Variants in CLYBL observed in about 807,000 individuals in gnomAD.
CLYBL encodes citramalyl-CoA lyase, mitochondrial.
Under a neutral mutation model 38.9 loss-of-function variants are expected in CLYBL, and 31 were observed. That is an observed-to-expected ratio of 0.80 (90% CI 0.60 to 1.08). The LOEUF is 1.08. CLYBL is among the 50% of genes least tolerant of loss of function. The probability of loss-of-function intolerance (pLI) is 0.00; values close to 1 mark genes in which losing one functional copy is unlikely to be tolerated. For synonymous variants in CLYBL, 171 were observed against 158.6 expected (o/e 1.08, Z -0.59); for missense variants, 434 against 411.6 (o/e 1.05, Z -0.47).
intron 1 of CLYBL, among the ~76,000 whole-genome samples, chr13:99,723,250 T>C (rs2048420456): frequency 6.6e-6 from 1 of 152,190 alleles, no homozygotes; most frequent in African/African-American, 2.4e-5. Flanking sequence ...TTCATATATT[T>C]GGTAGATGGG....
chr13:99,693,388 G>C (rs893424810), intron 1 of CLYBL, among the ~76,000 whole-genome samples: 2 of 152,066 alleles, frequency 1.3e-5, no homozygotes, highest in African/African-American at 2.4e-5. Flanking sequence ...TGGGAACACA[G>C]GCTTTCTCTT....
intron 1 of CLYBL, among the ~76,000 whole-genome samples, chr13:99,665,718 C>T (rs576520435): frequency 1.3e-5 from 2 of 152,122 alleles, no homozygotes; most frequent in Non-Finnish European, 2.9e-5. Flanking sequence ...ATCAAATATA[C>T]ATTTTGCATT....
intron 1 of CLYBL, among the ~76,000 whole-genome samples, chr13:99,763,666 T>C (rs941037363): frequency 1.3e-5 from 2 of 151,590 alleles, no homozygotes; most frequent in African/African-American, 4.8e-5. Context: ...GCGATTCTCC[T>C]GCCTAAGCCT....
chr13:99,699,310 G>A (rs1004907329), intron 1 of CLYBL, among the ~76,000 whole-genome samples: 23 of 152,104 alleles, frequency 1.5e-4, no homozygotes, highest in Non-Finnish European at 2.2e-4. Flanking sequence ...CCTCGAACCC[G>A]GGAGGTGGAG....
intron 2 of CLYBL, among the ~76,000 whole-genome samples, chr13:99,838,779 G>T (rs1301165040): frequency 6.7e-6 from 1 of 148,722 alleles, no homozygotes; most frequent in Non-Finnish European, 1.5e-5. Context: ...GGGACTACAG[G>T]TGTCCGCCAC....
At position 99,686,337 on chromosome 13, in the gene CLYBL, C is replaced by T. The variant is rs530004260; in HGVS notation, c.62+79580C>T. Among the ~76,000 whole-genome samples, 23 of 152,326 alleles carry T rather than the reference C, an allele frequency of 1.5e-4. 1 individual carries two copies. Among genetic ancestry groups the T allele is most frequent in the Admixed American group, 1.2e-3 (18 of 15,300 alleles). The stretch of plus-strand genomic sequence containing the variant: ...GCTCCTAGTGCTGAGCTCACCGGCT[C>T]GGCCCAGCACCAGCACCACCTCCCC... On this transcript the variant is annotated intron_variant, in intron 1 of 8. Coordinates refer to ENST00000339105, the MANE Select transcript of CLYBL (RefSeq NM_206808.5).
At chr13:99,722,077 C>G (rs570455808) in intron 1 of CLYBL, among the ~76,000 whole-genome samples, 1 of 152,246 alleles carries the variant, frequency 6.6e-6, no homozygotes, top group East Asian at 1.9e-4. Flanking sequence ...ATGATTCATA[C>G]AAAAGCTTTT....
chr13:99,817,413 C>T (rs185412446), intron 2 of CLYBL, among the ~76,000 whole-genome samples: 1 of 152,206 alleles, frequency 6.6e-6, no homozygotes, highest in African/African-American at 2.4e-5. Flanking sequence ...AATCCCAGCA[C>T]TTTGGGAGGC....
At chr13:99,621,786 T>A (rs2046801822) in intron 1 of CLYBL, among the ~76,000 whole-genome samples, 2 of 152,094 alleles carry the variant, frequency 1.3e-5, no homozygotes, top group Non-Finnish European at 2.9e-5. Flanking sequence ...GCTTATCAGC[T>A]GTTGTTAGTG....
intron 3 of CLYBL, among the ~76,000 whole-genome samples, chr13:99,862,579 T>C (rs1211560069): frequency 2.6e-5 from 4 of 152,250 alleles, no homozygotes; most frequent in Non-Finnish European, 5.9e-5. Context: ...GTTGCACTGA[T>C]GTCAGTGCTG....
chr13:99,775,888 G>C (rs561339179), intron 2 of CLYBL, among the ~76,000 whole-genome samples: 1 of 152,138 alleles, frequency 6.6e-6, no homozygotes, highest in South Asian at 2.1e-4. Context: ...AATAGGCCGG[G>C]CACGGTGGCT....
At chr13:99,843,138 G>T (rs2051123759) in intron 2 of CLYBL, among the ~76,000 whole-genome samples, 1 of 152,196 alleles carries the variant, frequency 6.6e-6, no homozygotes, top group African/African-American at 2.4e-5. Flanking sequence ...CTTGCAGGAG[G>T]CTGTGAGAGT....
exon 10 of CLYBL, among the ~76,000 whole-genome samples, chr13:99,908,959 T>C (rs2052724003): frequency 6.6e-6 from 1 of 152,224 alleles, no homozygotes; most frequent in African/African-American, 2.4e-5. Context: ...CACAAGCCCA[T>C]GCTAGTGAGC....
chr13:99,836,825 G>A (rs1594212446), intron 2 of CLYBL, among the ~76,000 whole-genome samples: 2 of 151,974 alleles, frequency 1.3e-5, no homozygotes, highest in East Asian at 3.9e-4. Flanking sequence ...TCACTCATAG[G>A]TGGGAATTGA....
At chr13:99,810,838 C>G (rs983040187) in intron 2 of CLYBL, among the ~76,000 whole-genome samples, 1 of 152,108 alleles carries the variant, frequency 6.6e-6, no homozygotes, top group East Asian at 1.9e-4. Flanking sequence ...CCTTCCCCTC[C>G]AAACGTAGCC....
At chr13:99,796,060 C>T (rs2050015872) in intron 2 of CLYBL, among the ~76,000 whole-genome samples, 1 of 152,114 alleles carries the variant, frequency 6.6e-6, no homozygotes, top group Admixed American at 6.5e-5. Flanking sequence ...TCCACATAGT[C>T]AGAGCAAAGG....
rs1415364032 is a variant in CLYBL at position 99,673,407 on chromosome 13, C to T, written c.62+66650C>T. On this transcript the variant is annotated intron_variant, in intron 1 of 8. Coordinates refer to ENST00000339105, the MANE Select transcript of CLYBL (RefSeq NM_206808.5). ...TAGCCTGGGCGACAGAGCGAGACTCCGTCTCAAAAAAAAAAAAAGAAATGG... is the reference window on the plus strand; with the variant it reads ...TAGCCTGGGCGACAGAGCGAGACTCTGTCTCAAAAAAAAAAAAAGAAATGG... 3.7e-4 allele frequency among the ~76,000 whole-genome samples: 33 copies of T among 89,040 alleles called. 1 individual carries two copies. Among genetic ancestry groups the T allele is most frequent in the Admixed American group, 2.6e-3 (20 of 7,834 alleles). 58.4% of individuals were successfully genotyped at this position (89,040 alleles called of 152,430 possible).
In CLYBL at chr13:99,759,861, G is replaced by A. The variant is rs532129511; in HGVS notation, c.63-12963G>A. On this transcript the variant is annotated intron_variant, in intron 1 of 8. Transcript: ENST00000339105. ...AATCATATAAAATTACCATTTTGTA[G>A]GTCAAAAATGGTCAAATATCAGCAA... is the stretch of plus-strand genomic sequence containing the variant. 1.3e-4 allele frequency among the ~76,000 whole-genome samples: 20 copies of A among 152,234 alleles called. No individual in the cohort carries two copies. The South Asian group carries it at 2.5e-3, about 19-fold the overall frequency.
At chr13:99,644,718 AT>A (rs770393511) in intron 1 of CLYBL, among the ~76,000 whole-genome samples, 10 of 152,036 alleles carry the variant, frequency 6.6e-5, no homozygotes, top group Admixed American at 3.9e-4. Flanking sequence ...TGTCCCCATG[AT>A]TTCAATTGTT....
Sources: allele counts gnomAD v4.1 joint callset (sites outside exome capture counted in the v4.1 genomes callset), GRCh38; gene constraint gnomAD v4.1.1; transcripts MANE v1.5; gene names NCBI Gene and HGNC (gene_info 2026-07-23, HGNC 2026-07-21).